The following CNTN4 variants were observed in gnomAD, a reference collection of about 807,000 sequenced individuals.
The protein encoded by CNTN4 is contactin 4.
A neutral mutation model predicts 122.5 loss-of-function variants in CNTN4; 77 were observed. That is an observed-to-expected ratio of 0.63 (90% CI 0.52 to 0.76). CNTN4 has a LOEUF of 0.76. Ranked by LOEUF, CNTN4 falls within the 30% of genes least tolerant of loss-of-function variation. The pLI, the probability that CNTN4 is intolerant of heterozygous loss-of-function variation, is 0.00. For missense variants in CNTN4, 1,256 were observed against 1,259.1 expected (o/e 1.00, Z 0.04); for synonymous variants, 512 against 447.0 (o/e 1.15, Z -1.83).
In CNTN4 at chr3:2,153,405, C is replaced by G. The variant is rs535324611; in HGVS notation, c.-145+52766C>G. Among the ~76,000 whole-genome samples, 41 of 152,238 alleles carry G rather than the reference C, an allele frequency of 2.7e-4. 1 individual carries two copies. In the South Asian group the frequency reaches 8.1e-3, roughly 30 times the overall value. ...AGGAAGTGACAAATGATGTCAAAGG[C>G]AACTGCCAAGAATTGGTCATTGGAT... On this transcript the variant is annotated intron_variant, in intron 2 of 24. Transcript: ENST00000418658.
In CNTN4 at chr3:2,866,817, C is replaced by G; in HGVS notation, c.520C>G (p.Gln174Glu). 2 of 1,613,916 alleles carry G rather than the reference C, an allele frequency of 1.2e-6. No homozygotes were observed. The highest frequency in any genetic ancestry group is 1.7e-6 in the Non-Finnish European group (2 of 1,179,880). Residue 174 changes from glutamine (Q) to glutamate (E), a missense_variant, in exon 8 of 25, where the codon CAA (glutamine) becomes GAA (glutamate). By Grantham distance (29) the Gln-to-Glu change is conservative. Coordinates refer to ENST00000418658, the MANE Select transcript of CNTN4 (RefSeq NM_175607.3). ...SYQDNRRFVSQETGNLYIAKV... is the reference protein window; with the variant it reads ...SYQDNRRFVSEETGNLYIAKV... ...TCAGGATAATCGCCGCTTTGTTTCT[C>G]AAGAGACTGGGAATCTGTATATTGC...
intron 7 of CNTN4, among the ~76,000 whole-genome samples, chr3:2,834,483 C>G (rs1184503031): frequency 2.0e-5 from 3 of 152,064 alleles, no homozygotes; most frequent in Non-Finnish European, 4.4e-5. Context: ...AGGAGAATTG[C>G]TTGAACCCAG....
At chr3:2,609,582 T>G (rs115716601) in intron 4 of CNTN4, among the ~76,000 whole-genome samples, 1,969 of 152,302 alleles carry the variant, frequency 0.013, 45 homozygotes, top group African/African-American at 0.045. Context: ...AAGCATTATG[T>G]TCAGTAGGAT....
intron 4 of CNTN4, among the ~76,000 whole-genome samples, chr3:2,703,806 C>G (rs1332118300): frequency 2.0e-5 from 3 of 151,858 alleles, no homozygotes; most frequent in Admixed American, 1.3e-4. Context: ...AAACATAGCC[C>G]TATATGTGTT....
At chr3:2,803,591 G>A (rs929423384) in intron 6 of CNTN4, among the ~76,000 whole-genome samples, 9 of 147,612 alleles carry the variant, frequency 6.1e-5, no homozygotes, top group African/African-American at 1.2e-4. Flanking sequence ...ACAGAGCCTC[G>A]CTCTGTCGCC....
chr3:2,962,511 T>C (rs2094871889), intron 13 of CNTN4, among the ~76,000 whole-genome samples: 1 of 152,168 alleles, frequency 6.6e-6, no homozygotes, highest in Admixed American at 6.5e-5. Context: ...GAAGAAGCAG[T>C]TTTGAAACTA....
At position 2,605,957 on chromosome 3, in the gene CNTN4, C is replaced by T. The variant is rs147210511; in HGVS notation, c.55+34399C>T. On this transcript the variant is annotated intron_variant, in intron 4 of 24. Coordinates refer to ENST00000418658, the MANE Select transcript of CNTN4 (RefSeq NM_175607.3). The stretch of plus-strand genomic sequence containing the variant: ...GGGATGTGAATGATGTAAGTGGCTA[C>T]GTTGGACAGGCAAGGCCTTGGGGAG... Among the ~76,000 whole-genome samples, 368 of 152,212 alleles carry T rather than the reference C, an allele frequency of 2.4e-3. 2 individuals are homozygous for T. Among genetic ancestry groups the T allele is most frequent in the African/African-American group, 8.2e-3 (342 of 41,534 alleles).
At chr3:2,751,313 G>A (rs577382417) in intron 6 of CNTN4, among the ~76,000 whole-genome samples, 11 of 152,000 alleles carry the variant, frequency 7.2e-5, no homozygotes, top group Middle Eastern at 3.4e-3. Flanking sequence ...GCGAGACTCC[G>A]TCTCAAAAAA....
chr3:2,359,667 G>A (rs932726586), intron 3 of CNTN4, among the ~76,000 whole-genome samples: 11 of 152,124 alleles, frequency 7.2e-5, no homozygotes, highest in African/African-American at 2.7e-4. Flanking sequence ...AGCCTCCAGA[G>A]TAGTTGGGAC....
intron 2 of CNTN4, among the ~76,000 whole-genome samples, chr3:2,306,913 AAT>A (rs1446303193): frequency 1.3e-5 from 2 of 151,876 alleles, no homozygotes; most frequent in Non-Finnish European, 2.9e-5. Context: ...TTCATGTTTG[AAT>A]TGCTCATTGC....
At chr3:2,652,348 T>A (rs1201744972) in intron 4 of CNTN4, among the ~76,000 whole-genome samples, 1 of 152,176 alleles carries the variant, frequency 6.6e-6, no homozygotes, top group East Asian at 1.9e-4. Flanking sequence ...TACTAGTAAT[T>A]TATGTAGTAC....
At chr3:2,705,794 A>T (rs1267813756) in intron 4 of CNTN4, among the ~76,000 whole-genome samples, 1 of 104,918 alleles carries the variant, frequency 9.5e-6, no homozygotes, top group African/African-American at 4.0e-5. Context: ...CATAATATAT[A>T]TTTGTTATAT....
At chr3:3,032,354 A>C (rs886907235) in intron 16 of CNTN4, among the ~76,000 whole-genome samples, 1 of 152,256 alleles carries the variant, frequency 6.6e-6, no homozygotes, top group African/African-American at 2.4e-5. Context: ...AAATATTTAA[A>C]TCAGCAATAC....
At chr3:2,551,112 T>A (rs1008891109) in intron 3 of CNTN4, among the ~76,000 whole-genome samples, 6 of 151,664 alleles carry the variant, frequency 4.0e-5, no homozygotes, top group African/African-American at 1.2e-4. Flanking sequence ...AAAAAAAAAA[T>A]GCCAGGCGTA....
At chr3:2,193,868 C>T (rs1329192017) in intron 2 of CNTN4, among the ~76,000 whole-genome samples, 1 of 152,128 alleles carries the variant, frequency 6.6e-6, no homozygotes, top group Non-Finnish European at 1.5e-5. Context: ...AGGTTTGCAG[C>T]CTAGGAGCAA....
intron 20 of CNTN4, chr3:3,040,982 T>C (rs887818296): frequency 2.0e-5 from 3 of 152,620 alleles, no homozygotes; most frequent in African/African-American, 7.2e-5. Flanking sequence ...TGAAGCAGTG[T>C]GATTGCGCTC....
intron 6 of CNTN4, among the ~76,000 whole-genome samples, chr3:2,747,749 C>T (rs1403367800): frequency 2.6e-5 from 4 of 152,194 alleles, no homozygotes; most frequent in Admixed American, 6.5e-5. Context: ...CTCCCACCCT[C>T]AAAATCCTTG....
intron 3 of CNTN4, among the ~76,000 whole-genome samples, chr3:2,394,616 A>C (rs140926874): frequency 6.6e-6 from 1 of 152,150 alleles, no homozygotes; most frequent in East Asian, 1.9e-4. Context: ...CTCATGTGTT[A>C]TAAGTCAGGG....
At chr3:2,967,148 C>T (rs988894232) in intron 13 of CNTN4, among the ~76,000 whole-genome samples, 5 of 152,022 alleles carry the variant, frequency 3.3e-5, no homozygotes, top group African/African-American at 4.8e-5. Flanking sequence ...GAGCAGGGGG[C>T]AGTGAGTCAG....
Sources: allele counts gnomAD v4.1 joint callset (sites outside exome capture counted in the v4.1 genomes callset), GRCh38; gene constraint gnomAD v4.1.1; transcripts MANE v1.5; gene names NCBI Gene and HGNC (gene_info 2026-07-23, HGNC 2026-07-21).